The following ZRANB3 variants were observed in gnomAD, a reference collection of about 807,000 sequenced individuals.
ZRANB3 encodes zinc finger RANBP2-type containing 3.
In ZRANB3, 125 loss-of-function variants were observed where a neutral mutation model predicts 133.8. The observed-to-expected ratio is 0.93, with a 90% confidence interval of 0.81 to 1.08. The LOEUF (loss-of-function observed/expected upper bound fraction) is 1.08, where lower values mean the gene tolerates loss of function less well. Among genes scored for constraint, ZRANB3 ranks in the 50% least tolerant of loss-of-function variants. The probability of loss-of-function intolerance (pLI) is 0.00; values close to 1 mark genes in which losing one functional copy is unlikely to be tolerated. For missense variants in ZRANB3, 1,229 were observed against 1,275.5 expected, an observed-to-expected ratio of 0.96 and a Z score of 0.56; for synonymous variants, 387 against 432.7, an observed-to-expected ratio of 0.89 and a Z score of 1.31.
intron 8 of ZRANB3, among the ~76,000 whole-genome samples, chr2:135,285,233 C>T (rs535833583): frequency 2.6e-5 from 4 of 152,324 alleles, no homozygotes; most frequent in Non-Finnish European, 5.9e-5. Context: ...CCTTACAACA[C>T]TCAAGTGGAT....
chr2:135,212,802 A>G (rs1365650855), intron 17 of ZRANB3, among the ~76,000 whole-genome samples: 2 of 152,208 alleles, frequency 1.3e-5, no homozygotes, highest in Admixed American at 6.5e-5. Flanking sequence ...GCCCACATCA[A>G]TGAACACAAT....
chr2:135,493,103 AT>A (rs1692469174), intron 2 of ZRANB3, among the ~76,000 whole-genome samples: 2 of 692 alleles, frequency 2.9e-3, no homozygotes, highest in Non-Finnish European at 9.1e-3. Flanking sequence ...TACCAAATAT[AT>A]ATATATATAT....
At chr2:135,391,735 A>C (rs1322747215) in intron 2 of ZRANB3, among the ~76,000 whole-genome samples, 1 of 151,856 alleles carries the variant, frequency 6.6e-6, no homozygotes, top group Non-Finnish European at 1.5e-5. Flanking sequence ...ACCTGTCACC[A>C]CGCCAGGCTA....
chr2:135,309,130 G>T (rs1682848593), intron 8 of ZRANB3, among the ~76,000 whole-genome samples: 1 of 151,986 alleles, frequency 6.6e-6, no homozygotes. Context: ...ACAGGCACCC[G>T]CCACCATGCC....
At chr2:135,387,739 T>A (rs929422617) in intron 3 of ZRANB3, among the ~76,000 whole-genome samples, 7 of 152,224 alleles carry the variant, frequency 4.6e-5, no homozygotes, top group Non-Finnish European at 1.0e-4. Flanking sequence ...GTGGAAGTTT[T>A]TTTTAAGTAT....
Position 135,222,765 on chromosome 2 carries a change from T to A in ZRANB3, c.2250+1661A>T, listed in dbSNP as rs182166787. Among the ~76,000 whole-genome samples the A allele has an allele frequency of 3.3e-3, 502 of 151,980 alleles. 3 individuals carry two copies. The highest frequency in any genetic ancestry group is 0.01 in the African/African-American group (431 of 41,510). On this transcript the variant is annotated intron_variant, in intron 15 of 20. Coordinates refer to ENST00000264159, the MANE Select transcript of ZRANB3 (RefSeq NM_032143.4). ...TTATTTTAAATAAAAAATGTTATTT[T>A]TATATATATATAATGGGTTTGTTTC... is the stretch of plus-strand genomic sequence containing the variant.
At chr2:135,510,843 AC>A in intron 1 of ZRANB3, 1 of 931,662 alleles carries the variant, frequency 1.1e-6, no homozygotes. Context: ...GTGCAACTCC[AC>A]CACGTTCCCA....
rs553121591 is a variant in ZRANB3, at chr2:135,290,852, G to A, written c.967-15097C>T. Reference sequence around the variant, plus strand: ...TTTGGATGTCTAGATCTCTAGCAAGGCCAGGGATGGTTTCCTTGATTATTC... The same window carrying A: ...TTTGGATGTCTAGATCTCTAGCAAGACCAGGGATGGTTTCCTTGATTATTC... On this transcript the variant is annotated intron_variant, in intron 8 of 20. Transcript: ENST00000264159. Among the ~76,000 whole-genome samples the A allele has an allele frequency of 4.6e-5, 7 of 152,286 alleles. No homozygotes were observed. In the East Asian group the frequency reaches 1.3e-3, roughly 29 times the overall value.
intron 2 of ZRANB3, among the ~76,000 whole-genome samples, chr2:135,502,535 T>C (rs1692994878): frequency 6.6e-6 from 1 of 152,198 alleles, no homozygotes; most frequent in Non-Finnish European, 1.5e-5. Flanking sequence ...ATCTGAAGTA[T>C]GAATTGTTAA....
At chr2:135,356,921 C>G (rs889755439) in intron 3 of ZRANB3, among the ~76,000 whole-genome samples, 1 of 151,928 alleles carries the variant, frequency 6.6e-6, no homozygotes, top group Non-Finnish European at 1.5e-5. Flanking sequence ...TGAGCTCAAG[C>G]GATCCACCTA....
Position 135,223,069 on chromosome 2 carries a change from T to A in ZRANB3, c.2250+1357A>T, listed in dbSNP as rs2105058200. Among the ~76,000 whole-genome samples the A allele has an allele frequency of 2.0e-5, 3 of 151,922 alleles. No individual in the cohort carries two copies. In the South Asian group the frequency reaches 6.2e-4, roughly 32 times the overall value. ...GAGGTCGAGACAAGCTTGGCCAATA[T>A]GGTGAAACATCATCTCTACTAAAAA... On this transcript the variant is annotated intron_variant, in intron 15 of 20. Transcript: ENST00000264159.
intron 1 of ZRANB3, among the ~76,000 whole-genome samples, chr2:135,507,248 A>G (rs1258661670): frequency 6.6e-6 from 1 of 152,146 alleles, no homozygotes; most frequent in Non-Finnish European, 1.5e-5. Flanking sequence ...AATTGGGTAG[A>G]AAAAAAATCC....
At chr2:135,299,063 A>G (rs1450572465) in intron 8 of ZRANB3, among the ~76,000 whole-genome samples, 1 of 152,136 alleles carries the variant, frequency 6.6e-6, no homozygotes, top group East Asian at 1.9e-4. Context: ...ACAGGACTAT[A>G]TAGATTCTAA....
chr2:135,359,421 A>G (rs954461696), intron 3 of ZRANB3, among the ~76,000 whole-genome samples: 3 of 152,028 alleles, frequency 2.0e-5, no homozygotes, highest in Non-Finnish European at 4.4e-5. Context: ...CTGTCTCTAT[A>G]GAAAAATTTA....
chr2:135,509,430 C>T (rs1693341816), intron 1 of ZRANB3, among the ~76,000 whole-genome samples: 1 of 152,108 alleles, frequency 6.6e-6, no homozygotes, highest in Non-Finnish European at 1.5e-5. Flanking sequence ...TACAATTCCC[C>T]ACATGAAGTA....
In ZRANB3 at chr2:135,363,027, T is replaced by A. The variant is rs190278256; in HGVS notation, c.181-9399A>T. Among the ~76,000 whole-genome samples the A allele has an allele frequency of 5.8e-3, 884 of 151,398 alleles. 7 individuals are homozygous for A. Among genetic ancestry groups the A allele is most frequent in the South Asian group, 0.041 (198 of 4,778 alleles). On this transcript the variant is annotated intron_variant, in intron 3 of 20. Coordinates refer to ENST00000264159, the MANE Select transcript of ZRANB3 (RefSeq NM_032143.4). ...TGAAATGACTTTCAAGTAAAAAGAT[T>A]AAAAAAAAAGTTACAGCTCTACAAC...
intron 2 of ZRANB3, among the ~76,000 whole-genome samples, chr2:135,482,655 T>A (rs1691881838): frequency 6.6e-6 from 1 of 152,204 alleles, no homozygotes; most frequent in Non-Finnish European, 1.5e-5. Flanking sequence ...AACACTATGT[T>A]GAATAGGAAT....
At chr2:135,504,076 T>C in intron 2 of ZRANB3, 1 of 490,432 alleles carries the variant, frequency 2.0e-6, no homozygotes, top group Non-Finnish European at 3.7e-6. Context: ...AATATATGAG[T>C]TGCTGAGAGT....
chr2:135,508,550 A>C (rs1305744820), intron 1 of ZRANB3, among the ~76,000 whole-genome samples: 1 of 152,228 alleles, frequency 6.6e-6, no homozygotes, highest in Admixed American at 6.5e-5. Flanking sequence ...AAGAAATCTA[A>C]AACATTATGA....
Sources: gnomAD v4.1 joint callset for allele counts (sites outside exome capture counted in the v4.1 genomes callset) on GRCh38, gnomAD v4.1.1 for gene constraint, MANE v1.5 for transcripts, NCBI Gene and HGNC (gene_info 2026-07-23, HGNC 2026-07-21) for gene names.